ATP13A2: variants seen among roughly 807,000 people sequenced by gnomAD.
ATP13A2 encodes the protein polyamine-transporting ATPase 13A2.
In ATP13A2, 83 loss-of-function variants were observed where a neutral mutation model predicts 138.3. That is an observed-to-expected ratio of 0.60 (90% confidence interval 0.50 to 0.72). The LOEUF is 0.72. ATP13A2 is among the 30% of genes least tolerant of loss of function. The pLI is 0.00. For missense variants in ATP13A2, 1,402 were observed against 1,606.4 expected, an observed-to-expected ratio of 0.87 and a Z score of 2.17; for synonymous variants, 663 against 699.0, an observed-to-expected ratio of 0.95 and a Z score of 0.81.
Position 17,004,964 on chromosome 1 carries a change from G to A in ATP13A2, c.347+50C>T, listed in dbSNP as rs761998262. 1.8e-5 allele frequency: 29 copies of A among 1,612,494 alleles called. No homozygotes were observed. Among genetic ancestry groups the A allele is most frequent in the Non-Finnish European group, 2.4e-5 (28 of 1,179,622 alleles). ...GGGGCCGAGGGTTGGGGAAGTTGGG[G>A]AGGCCAGGGTAGCAGGGGCTTCTGG... On this transcript the variant is annotated intron_variant, in intron 4 of 28. Transcript: ENST00000326735. This position sits in a 1 kb window ranked among gnomAD's most constrained non-coding sequence, Gnocchi z 4.1.
At chr1:16,997,402 C>T (rs2077169945) in intron 11 of ATP13A2, among the ~76,000 whole-genome samples, 1 of 109,182 alleles carries the variant, frequency 9.2e-6, no homozygotes, top group East Asian at 3.2e-4. Flanking sequence ...GCAGCCAGCT[C>T]CCTGGAACCA....
intron 3 of ATP13A2, 31 bp downstream of exon 3, chr1:17,005,343 T>C: frequency 6.4e-7 from 1 of 1,570,538 alleles, no homozygotes; most frequent in Non-Finnish European, 8.6e-7. Flanking sequence ...TCACTGCGCT[T>C]CTCTAGCCCC....
intron 1 of ATP13A2, among the ~76,000 whole-genome samples, chr1:17,010,218 C>T (rs991731457): frequency 6.6e-6 from 1 of 152,010 alleles, no homozygotes; most frequent in African/African-American, 2.4e-5. Flanking sequence ...GCTGAGACTA[C>T]AGGCACATGC....
chr1:17,006,969 C>G (rs1037841064), intron 1 of ATP13A2, among the ~76,000 whole-genome samples: 8 of 152,148 alleles, frequency 5.3e-5, no homozygotes, highest in Admixed American at 2.0e-4. Context: ...CGGCTCACTA[C>G]AACCTCTGCC....
intron 2 of ATP13A2, 31 bp from the exon 3 acceptor site, chr1:17,005,587 G>C (rs369031558): frequency 6.2e-7 from 1 of 1,614,150 alleles, no homozygotes; most frequent in East Asian, 2.2e-5. Context: ...GGCCCAGGTC[G>C]GGGTGGGAAC....
rs1557712754 is a variant in ATP13A2, at chr1:17,004,413, T to G, written c.478-2A>C. On this transcript the variant is annotated splice_acceptor_variant, in intron 5 of 28. Transcript: ENST00000326735. LOFTEE classifies it high-confidence loss of function. The surrounding 1 kb of genome is among the most constrained non-coding windows in gnomAD (Gnocchi z 4.1). ...GAGGTAATACCGCAGCACCCGCTTC[T>G]GGGTGGGAGAGAGGAGAGGATGGGT... 6.2e-7 allele frequency: 1 copy of G among 1,613,992 alleles called. No individual in the cohort carries two copies. The highest frequency in any genetic ancestry group is 8.5e-7 in the Non-Finnish European group (1 of 1,179,986).
intron 8 of ATP13A2, 33 bp from the exon 9 acceptor site, chr1:17,000,567 G>T: frequency 6.2e-7 from 1 of 1,605,916 alleles, no homozygotes; most frequent in Non-Finnish European, 8.5e-7. Flanking sequence ...CGTCAGGGCC[G>T]CGTCCCCCAG....
Position 17,004,365 on chromosome 1 carries a change from C to A in ATP13A2, c.524G>T (p.Trp175Leu), listed in dbSNP as rs2077471676. 5.6e-6 allele frequency: 9 copies of A among 1,614,002 alleles called. No homozygotes were observed. The highest frequency in any genetic ancestry group is 6.8e-6 in the Non-Finnish European group (8 of 1,179,990). The change falls in exon 6 of 29, where the codon TGG becomes TTG. Residue 175 changes from tryptophan (W) to leucine (L), a missense_variant. Trp to Leu is a moderately conservative substitution (Grantham distance 61). Transcript: ENST00000326735. This position sits in a 1 kb window ranked among gnomAD's most constrained non-coding sequence, Gnocchi z 4.1. Reference sequence around the variant, plus strand: ...GTAGAAGGCTTGCTGGGTCTCGATCCAGATATAGCGCTGGCCCTGGAAGAG... The same window carrying A: ...GTAGAAGGCTTGCTGGGTCTCGATCAAGATATAGCGCTGGCCCTGGAAGAG... ...YYLFQGQRYI[W>L]IETQQAFYQV...
Position 16,987,023 on chromosome 1 carries a change from TG to T in ATP13A2, c.3083+22del, listed in dbSNP as rs1193098016. On this transcript the variant is annotated intron_variant, in intron 26 of 28. Coordinates refer to ENST00000326735, the MANE Select transcript of ATP13A2 (RefSeq NM_022089.4). ...GGACAGGGAAGGGGCGGGATGGGGG[TG>T]GTCAGTCAGCTCCCTACTCACCATG... 6.8e-6 allele frequency: 11 copies of T among 1,611,044 alleles called. No individual in the cohort carries two copies. The South Asian group carries it at 1.1e-4, about 16-fold the overall frequency.
chr1:16,997,262 C>A (rs919661275), intron 11 of ATP13A2, 87 bp from the exon 12 acceptor site: 1 of 1,525,456 alleles, frequency 6.6e-7, no homozygotes, highest in Non-Finnish European at 9.0e-7. Flanking sequence ...GTCCCACAAG[C>A]TCTAAGTCTC....
rs2100866409 is a variant in ATP13A2, at chr1:16,995,538, C to G, written c.1542+438G>C. ...AGTACAATGGCATGATCTTGGCTCA[C>G]TGCAACCTCTGCGATTCTCCTGCCT... On this transcript the variant is annotated intron_variant, in intron 15 of 28. Coordinates refer to ENST00000326735, the MANE Select transcript of ATP13A2 (RefSeq NM_022089.4). The surrounding 1 kb of genome is among the most constrained non-coding windows in gnomAD (Gnocchi z 4.1). 3.1e-6 allele frequency: 1 copy of G among 322,094 alleles called. No homozygotes were observed. Among genetic ancestry groups the G allele is most frequent in the East Asian group, 8.3e-5 (1 of 12,020 alleles). The allele number at this position is 322,094 out of a possible 1,614,324, so 20.0% of individuals were successfully genotyped here. A position where few individuals can be genotyped will look rare whatever the true frequency, so the allele number is the denominator to read the frequency against.
In ATP13A2 at chr1:16,997,141, C is replaced by T. The variant is rs753947250; in HGVS notation, c.1074G>A (p.Pro358=). 8.1e-6 allele frequency: 13 copies of T among 1,613,604 alleles called. No homozygotes were observed. The highest frequency in any genetic ancestry group is 6.6e-5 in the South Asian group (6 of 91,094). The change falls in exon 12 of 29, where the codon CCG becomes CCA. Residue 358 remains proline, a synonymous_variant. Transcript: ENST00000326735. ...ESIPVLKTAL[P]EGLGPYCAET... ...CTGCACAGTAGGGCCCCAGCCCCTC[C>T]GGCAGTGCCGTCTTCAGCACTGGAA...
chr1:17,000,050 C>G lies in ATP13A2; in HGVS notation c.1000G>C (p.Val334Leu), dbSNP rs1023415961. Residue 334 changes from valine (V) to leucine (L), a missense_variant, in exon 11 of 29, where the codon GTG (valine) becomes CTG (leucine). By Grantham distance (32) the Val-to-Leu change is conservative (BLOSUM62 1). Transcript: ENST00000326735. ...GGLMPCDAAL[V>L]AGECMVNESS... Reference sequence around the variant, plus strand: ...TCATTCACCATGCACTCGCCGGCCACCAGGGCGGCATCACAGGGCATCAGC... The same window carrying G: ...TCATTCACCATGCACTCGCCGGCCAGCAGGGCGGCATCACAGGGCATCAGC... 1 of 1,612,972 alleles carries G rather than the reference C, an allele frequency of 6.2e-7. No individual in the cohort carries two copies. The highest frequency in any genetic ancestry group is 8.5e-7 in the Non-Finnish European group (1 of 1,179,636).
intron 11 of ATP13A2, among the ~76,000 whole-genome samples, chr1:16,999,530 A>G (rs916394024): frequency 6.6e-5 from 10 of 152,098 alleles, no homozygotes; most frequent in African/African-American, 1.9e-4. Flanking sequence ...GAAGGAACTG[A>G]GGCACGGAGA....
intron 15 of ATP13A2, 114 bp from the exon 16 acceptor site, chr1:16,993,949 G>A: frequency 1.1e-6 from 1 of 885,898 alleles, no homozygotes; most frequent in Non-Finnish European, 1.7e-6. Context: ...AGGAACTCGA[G>A]CTGGAGCCAA....
In ATP13A2 at chr1:16,986,448, C is replaced by T. The variant is rs913156094; in HGVS notation, c.3405+15G>A. The T allele has an allele frequency of 6.2e-7, 1 of 1,611,260 alleles. No homozygotes were observed. ...TCCCTTCTCTCCCGCTGCTGAGACC[C>T]AGGGCGGGCCCCACCTCCAGCATGA... On this transcript the variant is annotated intron_variant, in intron 28 of 28. Coordinates refer to ENST00000326735, the MANE Select transcript of ATP13A2 (RefSeq NM_022089.4). This position sits in a 1 kb window ranked among gnomAD's most constrained non-coding sequence, Gnocchi z 6.9.
At chr1:16,994,019 C>G (rs1027901976) in intron 15 of ATP13A2, among the ~76,000 whole-genome samples, 184 bp from the exon 16 acceptor site, 1 of 152,084 alleles carries the variant, frequency 6.6e-6, no homozygotes, top group African/African-American at 2.4e-5. Flanking sequence ...TGGGGTCCCC[C>G]TCCCCAGCCC....
intron 18 of ATP13A2, 40 bp downstream of exon 18, chr1:16,992,203 C>T (rs1416805444): frequency 1.9e-6 from 3 of 1,611,714 alleles, no homozygotes; most frequent in Non-Finnish European, 2.5e-6. Flanking sequence ...CATTCTGTGC[C>T]AATGCCCAAC....
In ATP13A2 at chr1:17,005,633, C is replaced by T. The variant is rs552227835; in HGVS notation, c.105+51G>A. ...TAGGAAGTTGGGGTGTCTGGGTGGG[C>T]CTGGGCATTCACCCCCTGCAGCTTT... is the stretch of plus-strand genomic sequence containing the variant. On this transcript the variant is annotated intron_variant, in intron 2 of 28. Transcript: ENST00000326735. The T allele has an allele frequency of 4.5e-5, 73 of 1,612,810 alleles. 1 individual carries two copies. The South Asian group carries it at 7.4e-4, about 16-fold the overall frequency.
Sources: allele counts gnomAD v4.1 joint callset (sites outside exome capture counted in the v4.1 genomes callset), GRCh38; gene constraint gnomAD v4.1.1; non-coding constraint Gnocchi (gnomAD v3.1); transcripts MANE v1.5; gene names NCBI Gene and HGNC (gene_info 2026-07-23, HGNC 2026-07-21).